The following GIPC2 variants were observed in gnomAD, a reference collection of about 807,000 sequenced individuals.
GIPC2 encodes the protein PDZ domain-containing protein GIPC2.
Under a neutral mutation model 30.6 loss-of-function variants are expected in GIPC2, and 30 were observed. That is an observed-to-expected ratio of 0.98 (90% confidence interval 0.73 to 1.33). The LOEUF (loss-of-function observed/expected upper bound fraction) is 1.33. Ranked by LOEUF, GIPC2 falls within the 40% of genes most tolerant of loss-of-function variation. The probability of loss-of-function intolerance (pLI) is 0.00; values close to 1 mark genes in which losing one functional copy is unlikely to be tolerated. For synonymous variants in GIPC2, 167 were observed against 150.0 expected, an observed-to-expected ratio of 1.11 and a Z score of -0.83; for missense variants, 414 against 390.3, an observed-to-expected ratio of 1.06 and a Z score of -0.51.
At chr1:78,131,409 C>T (rs1662895806) in intron 5 of GIPC2, among the ~76,000 whole-genome samples, 3 of 152,018 alleles carry the variant, frequency 2.0e-5, no homozygotes, top group Admixed American at 1.3e-4. Context: ...GGGGTTTCAC[C>T]GTGTTAGCCA....
chr1:78,125,730 A>G (rs1662769273), intron 4 of GIPC2, 151 bp from the exon 5 acceptor site: 1 of 574,034 alleles, frequency 1.7e-6, no homozygotes, highest in African/African-American at 1.9e-5. Context: ...ATTTGTATTT[A>G]GTTACAGAGC....
At chr1:78,064,199 A>G (rs142170979) in intron 1 of GIPC2, among the ~76,000 whole-genome samples, 5 of 152,326 alleles carry the variant, frequency 3.3e-5, no homozygotes, top group Admixed American at 3.3e-4. Context: ...AATTCAGAAT[A>G]AAAAATACGC....
At chr1:78,111,092 G>C (rs551369292) in intron 3 of GIPC2, among the ~76,000 whole-genome samples, 32 of 152,312 alleles carry the variant, frequency 2.1e-4, no homozygotes, top group Non-Finnish European at 4.0e-4. Context: ...TTCAGAGATG[G>C]AAAGTACAGA....
At chr1:78,107,847 AAAAAAAAAAAG>A in intron 3 of GIPC2, among the ~76,000 whole-genome samples, 1 of 149,660 alleles carries the variant, frequency 6.7e-6, no homozygotes. Flanking sequence ...AAAAAAAAAA[AAAAAAAAAAAG>A]AGCTAGCATT....
chr1:78,104,622 A>G (rs1278313642), intron 3 of GIPC2, among the ~76,000 whole-genome samples: 1 of 152,120 alleles, frequency 6.6e-6, no homozygotes, highest in Non-Finnish European at 1.5e-5. Flanking sequence ...TTGTAAGGGT[A>G]AAAATGGGGT....
At chr1:78,058,932 A>G (rs1661344926) in intron 1 of GIPC2, among the ~76,000 whole-genome samples, 1 of 152,194 alleles carries the variant, frequency 6.6e-6, no homozygotes, top group Admixed American at 6.5e-5. Context: ...GTGAATGCCC[A>G]TTTAGCACCA....
rs554347497 is a variant in GIPC2, at chr1:78,097,656, G to C, written c.607+2524G>C. Among the ~76,000 whole-genome samples the C allele has an allele frequency of 9.2e-5, 14 of 152,240 alleles. No homozygotes were observed. The South Asian group carries it at 2.9e-3, about 32-fold the overall frequency. ...ACTCCACTTCCAGGGGCCATTATAT[G>C]TGTTAATATTCTTTGATGGAGAGCT... is the stretch of plus-strand genomic sequence containing the variant. On this transcript the variant is annotated intron_variant, in intron 3 of 5. Coordinates refer to ENST00000370759, the MANE Select transcript of GIPC2 (RefSeq NM_017655.6).
At chr1:78,050,629 CT>C (rs562172009) in intron 1 of GIPC2, among the ~76,000 whole-genome samples, 122 of 145,886 alleles carry the variant, frequency 8.4e-4, no homozygotes, top group South Asian at 1.3e-3. Flanking sequence ...TACATACCAT[CT>C]TTTTTTTTTT....
intron 3 of GIPC2, among the ~76,000 whole-genome samples, chr1:78,107,789 C>T (rs1037173783): frequency 8.1e-6 from 1 of 122,840 alleles, no homozygotes; most frequent in Admixed American, 1.1e-4. Flanking sequence ...GGTGCCAACG[C>T]ACTTCAGCCT....
At chr1:78,088,400 T>C (rs1359825700) in intron 2 of GIPC2, among the ~76,000 whole-genome samples, 1 of 152,236 alleles carries the variant, frequency 6.6e-6, no homozygotes, top group East Asian at 1.9e-4. Flanking sequence ...ATATACACCA[T>C]GGAATACTAT....
intron 1 of GIPC2, among the ~76,000 whole-genome samples, chr1:78,078,479 G>T (rs2100341675): frequency 6.6e-6 from 1 of 152,236 alleles, no homozygotes; most frequent in Middle Eastern, 3.4e-3. Flanking sequence ...GAAAGATATA[G>T]CTGGCTCCAT....
At chr1:78,114,501 G>C (rs1161451224) in intron 3 of GIPC2, among the ~76,000 whole-genome samples, 1 of 152,124 alleles carries the variant, frequency 6.6e-6, no homozygotes, top group Non-Finnish European at 1.5e-5. Flanking sequence ...TAGGCTCATA[G>C]ACAAACACGG....
chr1:78,045,642 T>G (rs996548168), upstream of GIPC2: 2 of 985,462 alleles, frequency 2.0e-6, no homozygotes, highest in Admixed American at 6.1e-5. Context: ...GGTTGACTTC[T>G]ACTTAAATCC....
chr1:78,124,427 C>A (rs925039130), intron 4 of GIPC2, among the ~76,000 whole-genome samples: 6 of 151,900 alleles, frequency 3.9e-5, no homozygotes, highest in Non-Finnish European at 7.4e-5. Context: ...GCAATACATA[C>A]AATAAAGTTA....
chr1:78,050,063 AT>A (rs1332934773), intron 1 of GIPC2, among the ~76,000 whole-genome samples: 1 of 151,846 alleles, frequency 6.6e-6, no homozygotes, highest in Non-Finnish European at 1.5e-5. Context: ...TGCCTGGATA[AT>A]TTTTGTGTTT....
intron 1 of GIPC2, among the ~76,000 whole-genome samples, chr1:78,065,577 G>A (rs1046775465): frequency 9.9e-5 from 15 of 151,532 alleles, no homozygotes; most frequent in African/African-American, 3.6e-4. Flanking sequence ...AGACAAAAGA[G>A]CCTGAATAGC....
At chr1:78,090,018 A>AT (rs1662008020) in intron 2 of GIPC2, among the ~76,000 whole-genome samples, 2 of 152,072 alleles carry the variant, frequency 1.3e-5, no homozygotes, top group African/African-American at 2.4e-5. Flanking sequence ...TCTTCTTTTG[A>AT]TTTTTTTCCG....
intron 2 of GIPC2, among the ~76,000 whole-genome samples, chr1:78,089,607 A>G (rs1031587880): frequency 6.6e-6 from 1 of 152,140 alleles, no homozygotes; most frequent in Non-Finnish European, 1.5e-5. Context: ...AGGCCTCCCA[A>G]AATGCTGGGG....
At chr1:78,115,336 G>A (rs1198237563) in intron 3 of GIPC2, among the ~76,000 whole-genome samples, 1 of 152,108 alleles carries the variant, frequency 6.6e-6, no homozygotes, top group Admixed American at 6.5e-5. Context: ...TGGTAGATGA[G>A]AAGTTCATTT....
Sources: allele counts gnomAD v4.1 joint callset (sites outside exome capture counted in the v4.1 genomes callset), GRCh38; gene constraint gnomAD v4.1.1; transcripts MANE v1.5; gene names NCBI Gene and HGNC (gene_info 2026-07-23, HGNC 2026-07-21).